The following ZFHX3 variants were observed in gnomAD, a reference collection of about 807,000 sequenced individuals.
ZFHX3 encodes the protein zinc finger homeobox protein 3.
In ZFHX3, 42 loss-of-function variants were observed where a neutral mutation model predicts 279.1. The observed-to-expected ratio is 0.15, with a 90% CI of 0.12 to 0.19. The LOEUF is 0.19. Among genes scored for constraint, ZFHX3 ranks in the 10% least tolerant of loss-of-function variants. ZFHX3 has a pLI of 1.00. For synonymous variants in ZFHX3, 2,293 were observed against 1,957.8 expected, an observed-to-expected ratio of 1.17 and a Z score of -4.52; for missense variants, 4,981 against 4,754.0, an observed-to-expected ratio of 1.05 and a Z score of -1.40.
At position 72,958,804 on chromosome 16, in the gene ZFHX3, C is replaced by G; in HGVS notation, c.1342G>C (p.Asp448His). The change falls in exon 2 of 10, where the codon GAC becomes CAC. Residue 448 changes from aspartate (D) to histidine (H), a missense_variant. By Grantham distance (81) the Asp-to-His change is moderately conservative. Coordinates refer to ENST00000268489, the MANE Select transcript of ZFHX3 (RefSeq NM_006885.4). ...AAEGEKQEVG[D>H]GDCFSEKVEP... ...ACCTTCTCAGAGAAGCAATCCCCGT[C>G]GCCCACTTCCTGCTTCTCTCCTTCT... 1 of 1,614,176 alleles carries G rather than the reference C, an allele frequency of 6.2e-7. No individual in the cohort carries two copies. Among genetic ancestry groups the G allele is most frequent in the Non-Finnish European group, 8.5e-7 (1 of 1,180,042 alleles).
At chr16:73,421,156 A>G in intron 3 of ZFHX3, 1 of 14,934 alleles carries the variant, frequency 6.7e-5, no homozygotes, top group Admixed American at 4.1e-4. Flanking sequence ...AATGAATGGA[A>G]AAAAAAATAA....
intron 5 of ZFHX3, among the ~76,000 whole-genome samples, chr16:72,825,622 CT>C (rs2036911258): frequency 6.6e-6 from 1 of 152,160 alleles, no homozygotes; most frequent in Non-Finnish European, 1.5e-5. Context: ...CATGGCATGC[CT>C]GCTGGGAAGG....
intron 3 of ZFHX3, among the ~76,000 whole-genome samples, chr16:72,935,166 G>T (rs1485593505): frequency 2.6e-5 from 4 of 152,192 alleles, no homozygotes; most frequent in Non-Finnish European, 4.4e-5. Context: ...AAAGAAGCAA[G>T]GACGTTATCC....
intron 5 of ZFHX3, among the ~76,000 whole-genome samples, chr16:73,227,811 T>C (rs141464935): frequency 0.025 from 3,059 of 123,586 alleles, 115 homozygotes; most frequent in African/African-American, 0.091. Context: ...ATTGCACCAC[T>C]GCACTTCAGC....
intron 5 of ZFHX3, among the ~76,000 whole-genome samples, chr16:73,160,889 C>T (rs1206449266): frequency 6.6e-6 from 1 of 151,056 alleles, no homozygotes; most frequent in Non-Finnish European, 1.5e-5. Context: ...CATTTTTCTC[C>T]CCTTTTAATC....
intron 3 of ZFHX3, among the ~76,000 whole-genome samples, chr16:73,320,281 G>T (rs1222236709): frequency 1.3e-5 from 2 of 152,144 alleles, no homozygotes; most frequent in African/African-American, 4.8e-5. Flanking sequence ...TATTCCAGAT[G>T]AACCTGCTGT....
chr16:73,010,647 C>T (rs1388248263), intron 1 of ZFHX3, among the ~76,000 whole-genome samples: 1 of 152,128 alleles, frequency 6.6e-6, no homozygotes, highest in African/African-American at 2.4e-5. Context: ...CATAAAAGGA[C>T]CGAGCTGGCA....
At chr16:73,362,351 C>A (rs1012982380) in intron 3 of ZFHX3, among the ~76,000 whole-genome samples, 2 of 152,194 alleles carry the variant, frequency 1.3e-5, no homozygotes, top group African/African-American at 4.8e-5. Flanking sequence ...GGCTTGCTGC[C>A]TGGGGGCTTG....
intron 2 of ZFHX3, among the ~76,000 whole-genome samples, chr16:73,645,527 G>C (rs1032927033): frequency 1.3e-5 from 2 of 152,034 alleles, no homozygotes; most frequent in Non-Finnish European, 2.9e-5. Context: ...AAGTGTAAAG[G>C]ACCATCTTTA....
chr16:73,008,911 C>CGTGTGTGTGTGT (rs5817822), intron 1 of ZFHX3, among the ~76,000 whole-genome samples: 85 of 149,716 alleles, frequency 5.7e-4, no homozygotes, highest in African/African-American at 1.9e-3. Context: ...AAAGTATATA[C>CGTGTGTGTGTGT]GTGTGTGTGT....
chr16:73,295,396 G>C (rs1305973228), intron 4 of ZFHX3, among the ~76,000 whole-genome samples: 1 of 152,198 alleles, frequency 6.6e-6, no homozygotes, highest in Non-Finnish European at 1.5e-5. Context: ...GGCATTTGCT[G>C]GTTTGGAAAG....
intron 1 of ZFHX3, among the ~76,000 whole-genome samples, chr16:73,033,180 C>G (rs1277287641): frequency 1.3e-5 from 2 of 152,090 alleles, no homozygotes; most frequent in East Asian, 3.9e-4. Context: ...TTACCCCCTA[C>G]CCCCAGTACC....
At chr16:72,921,404 G>A (rs755884339) in intron 3 of ZFHX3, among the ~76,000 whole-genome samples, 21 of 152,148 alleles carry the variant, frequency 1.4e-4, no homozygotes, top group Admixed American at 7.9e-4. Context: ...CACGACTATC[G>A]CTCAGCATGA....
In ZFHX3 at chr16:73,174,266, AAACAACAACAACAACAAC is replaced by A. The variant is rs140975222; in HGVS notation, c.-1103-30453_-1103-30436del. On this transcript the variant is annotated intron_variant, in intron 5 of 17. Coordinates refer to the ZFHX3 transcript ENST00000641206. ...AATGGGTGGTGTGTGTGTTCACACA[AAACAACAACAACAACAAC>A]AACAACAACAACAACAACAACAACA... 1.7e-4 allele frequency among the ~76,000 whole-genome samples: 26 copies of A among 149,122 alleles called. No homozygotes were observed. The South Asian group carries it at 2.2e-3, about 13-fold the overall frequency.
At chr16:73,639,973 A>G (rs764742640) in intron 2 of ZFHX3, among the ~76,000 whole-genome samples, 1 of 152,200 alleles carries the variant, frequency 6.6e-6, no homozygotes, top group Non-Finnish European at 1.5e-5. Flanking sequence ...GAAAGAGGCT[A>G]AAAATTGGAG....
chr16:73,491,671 C>G (rs1174005134), intron 2 of ZFHX3, among the ~76,000 whole-genome samples: 1 of 152,084 alleles, frequency 6.6e-6, no homozygotes, highest in Non-Finnish European at 1.5e-5. Flanking sequence ...ATGATATGGT[C>G]TAAAATGAAA....
intron 4 of ZFHX3, among the ~76,000 whole-genome samples, chr16:73,260,269 G>T (rs981578400): frequency 1.3e-5 from 2 of 152,138 alleles, no homozygotes; most frequent in Non-Finnish European, 2.9e-5. Context: ...TACTGGTGAT[G>T]CCATTTCGAT....
At chr16:73,243,734 C>A (rs1318127584) in intron 5 of ZFHX3, among the ~76,000 whole-genome samples, 1 of 149,380 alleles carries the variant, frequency 6.7e-6, no homozygotes, top group Non-Finnish European at 1.5e-5. Flanking sequence ...ACATAAGTAT[C>A]CAACACGTTT....
intron 5 of ZFHX3, among the ~76,000 whole-genome samples, chr16:73,230,724 G>C (rs1018483275): frequency 2.0e-5 from 3 of 152,194 alleles, no homozygotes; most frequent in African/African-American, 4.8e-5. Context: ...TTATGAGTGG[G>C]TTTGAGCTAC....
Sources: gnomAD v4.1 joint callset for allele counts (sites outside exome capture counted in the v4.1 genomes callset) on GRCh38, gnomAD v4.1.1 for gene constraint, MANE v1.5 for transcripts, NCBI Gene and HGNC (gene_info 2026-07-23, HGNC 2026-07-21) for gene names.